The following PREP variants were observed in gnomAD, a reference collection of about 807,000 sequenced individuals.
The protein encoded by PREP is dJ355L5.1 (prolyl endopeptidase).
In PREP, 29 loss-of-function variants were observed where a neutral mutation model predicts 87.6. That is an observed-to-expected ratio of 0.33 (90% confidence interval 0.25 to 0.45). PREP has a LOEUF of 0.45. Among genes scored for constraint, PREP ranks in the 20% least tolerant of loss-of-function variants. PREP has a pLI of 1.00. For synonymous variants in PREP, 337 were observed against 328.6 expected (o/e 1.03, Z -0.28); for missense variants, 695 against 886.5 (o/e 0.78, Z 2.74).
intron 2 of PREP, among the ~76,000 whole-genome samples, chr6:105,396,673 C>G (rs543985251): frequency 6.6e-6 from 1 of 151,954 alleles, no homozygotes; most frequent in South Asian, 2.1e-4. Flanking sequence ...GAAAAACTAC[C>G]TAGAGTGCCA....
chr6:105,329,025 T>C lies in PREP; in HGVS notation c.1017A>G (p.Glu339=). 2 of 1,612,624 alleles carry C rather than the reference T, an allele frequency of 1.2e-6. No individual in the cohort carries two copies. Residue 339 remains glutamate (E), a splice_region_variant and synonymous_variant, in exon 9 of 15, where the codon GAA becomes GAG. Coordinates refer to ENST00000652536, the MANE Select transcript of PREP (RefSeq NM_002726.5). ...LVPEHEKDVL[E]WIACVRSNFL... ...AGTTGGACCTGACACAAGCTATCCA[T>C]TCTGAAAGGATAAGAAGAGAAAAAA...
intron 4 of PREP, among the ~76,000 whole-genome samples, chr6:105,375,921 A>G (rs1772674882): frequency 6.6e-6 from 1 of 152,232 alleles, no homozygotes; most frequent in Admixed American, 6.5e-5. Context: ...GCTTCATGCC[A>G]TCAGAGTGGA....
rs931902498 is a variant in PREP at position 105,363,767 on chromosome 6, T to C, written c.717+5136A>G. 2.6e-5 allele frequency among the ~76,000 whole-genome samples: 4 copies of C among 151,908 alleles called. No homozygotes were observed. The East Asian group carries it at 7.7e-4, about 29-fold the overall frequency. On this transcript the variant is annotated intron_variant, in intron 6 of 14. Transcript: ENST00000652536. ...TTGAGACATCTTGAAAGGTCCCTGA[T>C]GAAAAAGGGTGGAGGAAGGAAAGGC... is the stretch of plus-strand genomic sequence containing the variant.
At chr6:105,328,398 T>C (rs113653946) in intron 9 of PREP, among the ~76,000 whole-genome samples, 7,085 of 151,992 alleles carry the variant, frequency 0.047, 239 homozygotes, top group Non-Finnish European at 0.074. Context: ...GCTGGGACTA[T>C]AGGCACGCGC....
intron 12 of PREP, 79 bp downstream of exon 12, chr6:105,285,407 C>T: frequency 7.0e-7 from 1 of 1,427,088 alleles, no homozygotes; most frequent in East Asian, 2.3e-5. Flanking sequence ...ACCCCTTCAG[C>T]TCATTCAAAC....
At chr6:105,329,175 C>T (rs1328639518) in intron 8 of PREP, 149 bp from the exon 9 acceptor site, 1 of 718,630 alleles carries the variant, frequency 1.4e-6, no homozygotes, top group Admixed American at 2.6e-5. Flanking sequence ...TTTTTTGAGA[C>T]AGGGTCTTGC....
chr6:105,376,728 G>C (rs1436778478), intron 3 of PREP, among the ~76,000 whole-genome samples: 1 of 152,156 alleles, frequency 6.6e-6, no homozygotes, highest in Admixed American at 6.6e-5. Flanking sequence ...TAATACTCAG[G>C]CCTGTAGCTG....
intron 12 of PREP, 145 bp from the exon 13 acceptor site, chr6:105,282,727 CAATTT>C: frequency 2.2e-6 from 2 of 889,536 alleles, no homozygotes; most frequent in Non-Finnish European, 3.3e-6. Context: ...AAAAAAGCCT[CAATTT>C]AAGTTCTGTT....
At chr6:105,381,862 G>A (rs1772848069) in intron 2 of PREP, among the ~76,000 whole-genome samples, 1 of 152,076 alleles carries the variant, frequency 6.6e-6, no homozygotes, top group Non-Finnish European at 1.5e-5. Context: ...CTGTTACAAG[G>A]GTAGCTGTCA....
chr6:105,300,024 G>A (rs368550464), intron 10 of PREP, among the ~76,000 whole-genome samples: 65 of 152,104 alleles, frequency 4.3e-4, no homozygotes, highest in African/African-American at 1.5e-3. Context: ...AGCCTCCTGA[G>A]TAGCTGAGAA....
chr6:105,343,926 C>A (rs894545807), intron 7 of PREP, among the ~76,000 whole-genome samples: 5 of 152,158 alleles, frequency 3.3e-5, no homozygotes, highest in African/African-American at 9.7e-5. Flanking sequence ...GTTGGTGGGA[C>A]TGTAAACTAG....
Position 105,389,740 on chromosome 6 carries a change from C to T in PREP, c.120+8113G>A, listed in dbSNP as rs572447007. 5.3e-5 allele frequency among the ~76,000 whole-genome samples: 8 copies of T among 152,246 alleles called. No individual in the cohort carries two copies. The South Asian group carries it at 1.7e-3, about 32-fold the overall frequency. On this transcript the variant is annotated intron_variant, in intron 2 of 14. Coordinates refer to ENST00000652536, the MANE Select transcript of PREP (RefSeq NM_002726.5). ...AGTCCCTGCTTGCCTAGCTCAGCACCAGTTCTTCCAGAGGCTGCCTCTGGA... is the reference window on the plus strand; with the variant it reads ...AGTCCCTGCTTGCCTAGCTCAGCACTAGTTCTTCCAGAGGCTGCCTCTGGA...
rs1769975478 is a variant in PREP, at chr6:105,277,705, GA to G, written c.*438del. ...GTTGCCCCTCAATATGAAGAAACCGGAAGTAAAAGCCTGTCATTCTTAAATA... is the reference window on the plus strand; with the variant it reads ...GTTGCCCCTCAATATGAAGAAACCGGAGTAAAAGCCTGTCATTCTTAAATA... On this transcript the variant is annotated 3_prime_UTR_variant, in exon 15 of 15. Coordinates refer to ENST00000652536, the MANE Select transcript of PREP (RefSeq NM_002726.5). 6.3e-6 allele frequency: 1 copy of G among 158,422 alleles called. No individual in the cohort carries two copies. The highest frequency in any genetic ancestry group is 1.9e-4 in the South Asian group (1 of 5,244). 9.8% of individuals were successfully genotyped at this position (158,422 alleles called of 1,614,324 possible).
intron 11 of PREP, among the ~76,000 whole-genome samples, chr6:105,288,191 A>T (rs1562187549): frequency 6.6e-6 from 1 of 152,220 alleles, no homozygotes; most frequent in Non-Finnish European, 1.5e-5. Context: ...GTAGTCACGC[A>T]GCCATAGCCT....
intron 2 of PREP, among the ~76,000 whole-genome samples, chr6:105,387,607 TA>T (rs564808829): frequency 0.017 from 1,581 of 94,194 alleles, 19 homozygotes; most frequent in African/African-American, 0.039. Context: ...GCTGATGAGC[TA>T]AAAAAAAAAA....
intron 9 of PREP, 40 bp downstream of exon 9, chr6:105,328,789 G>T (rs768098876): frequency 6.3e-7 from 1 of 1,595,682 alleles, no homozygotes. Flanking sequence ...AACACCAGTC[G>T]GATTTTTAAA....
At chr6:105,318,302 C>T (rs1770924439) in intron 10 of PREP, among the ~76,000 whole-genome samples, 1 of 152,158 alleles carries the variant, frequency 6.6e-6, no homozygotes, top group Non-Finnish European at 1.5e-5. Flanking sequence ...TAACAAACAT[C>T]TTTATAAGCC....
rs577451472 is a variant in PREP at position 105,300,638 on chromosome 6, A to G, written c.1318-11744T>C. On this transcript the variant is annotated intron_variant, in intron 10 of 14. Coordinates refer to ENST00000652536, the MANE Select transcript of PREP (RefSeq NM_002726.5). ...TGCTTTATGTTAAAAAAAAAAAACT[A>G]CTGAAGAAATGGTGTACATTTATAT... Among the ~76,000 whole-genome samples, 61 of 151,852 alleles carry G rather than the reference A, an allele frequency of 4.0e-4. 1 individual carries two copies. In the South Asian group the frequency reaches 0.012, roughly 30 times the overall value.
intron 10 of PREP, among the ~76,000 whole-genome samples, chr6:105,308,759 A>G (rs1180471223): frequency 1.3e-5 from 2 of 152,218 alleles, no homozygotes; most frequent in Non-Finnish European, 2.9e-5. Context: ...GTACTTAAAC[A>G]TATCTACTCT....
Sources: gnomAD v4.1 joint callset for allele counts (sites outside exome capture counted in the v4.1 genomes callset) on GRCh38, gnomAD v4.1.1 for gene constraint, MANE v1.5 for transcripts, NCBI Gene and HGNC (gene_info 2026-07-23, HGNC 2026-07-21) for gene names.